Variants in BRINP3 observed in about 807,000 individuals in gnomAD.
BRINP3 encodes BMP/retinoic acid-inducible neural-specific protein 3.
In BRINP3, 19 loss-of-function variants were observed where a neutral mutation model predicts 71.0. The observed-to-expected ratio is 0.27, with a 90% CI of 0.19 to 0.39. The LOEUF is 0.39. Among genes scored for constraint, BRINP3 ranks in the 10% least tolerant of loss-of-function variants. BRINP3 has a pLI of 1.00. For synonymous variants in BRINP3, 380 were observed against 337.7 expected (o/e 1.13, Z -1.37); for missense variants, 959 against 940.8 (o/e 1.02, Z -0.25).
chr1:190,153,354 A>C (rs905628570), intron 7 of BRINP3, among the ~76,000 whole-genome samples: 2 of 152,186 alleles, frequency 1.3e-5, no homozygotes, highest in African/African-American at 4.8e-5. Flanking sequence ...GAAAATACCT[A>C]CACACAAGAA....
At chr1:190,197,069 G>A (rs980808258) in intron 6 of BRINP3, among the ~76,000 whole-genome samples, 3 of 151,974 alleles carry the variant, frequency 2.0e-5, no homozygotes, top group African/African-American at 7.2e-5. Flanking sequence ...TCCACATTGT[G>A]AGGCTGGGGA....
At chr1:190,111,202 A>C (rs892106894) in intron 7 of BRINP3, among the ~76,000 whole-genome samples, 9 of 151,002 alleles carry the variant, frequency 6.0e-5, no homozygotes, top group African/African-American at 1.5e-4. Flanking sequence ...AAAAAAAAAA[A>C]AAAAAACTTT....
chr1:190,364,350 C>A (rs1195493210), intron 2 of BRINP3, among the ~76,000 whole-genome samples: 1 of 151,990 alleles, frequency 6.6e-6, no homozygotes, highest in Non-Finnish European at 1.5e-5. Flanking sequence ...GTGGTCTTAT[C>A]TAAATGTTCT....
At chr1:190,317,772 T>C (rs1314091852) in intron 2 of BRINP3, among the ~76,000 whole-genome samples, 1 of 152,158 alleles carries the variant, frequency 6.6e-6, no homozygotes, top group Non-Finnish European at 1.5e-5. Context: ...AACTCACACT[T>C]ATGCTGTAAG....
chr1:190,261,807 A>G (rs892394401), intron 4 of BRINP3, among the ~76,000 whole-genome samples: 2 of 152,214 alleles, frequency 1.3e-5, no homozygotes, highest in Admixed American at 1.3e-4. Context: ...TTTAAAGCAT[A>G]CAAGCAATGC....
intron 6 of BRINP3, among the ~76,000 whole-genome samples, chr1:190,215,805 T>A (rs570770377): frequency 2.0e-5 from 3 of 151,918 alleles, no homozygotes; most frequent in Non-Finnish European, 4.4e-5. Context: ...ACGATGCTGA[T>A]AAAGACATAT....
At chr1:190,226,724 T>C (rs1657416398) in intron 5 of BRINP3, among the ~76,000 whole-genome samples, 1 of 151,988 alleles carries the variant, frequency 6.6e-6, no homozygotes, top group Non-Finnish European at 1.5e-5. Flanking sequence ...TTGCAGACTA[T>C]CAGCCCACAT....
intron 2 of BRINP3, among the ~76,000 whole-genome samples, chr1:190,407,674 C>A (rs1012530473): frequency 1.3e-5 from 2 of 152,056 alleles, no homozygotes; most frequent in Admixed American, 6.6e-5. Context: ...ATTAACTTAA[C>A]CTCTTAATAA....
Position 190,097,990 on chromosome 1 carries a change from G to T in BRINP3, c.*28C>A, listed in dbSNP as rs375495949. Reference sequence around the variant, plus strand: ...AAAAGCACTGTAAAAACTCCTTCAAGATTTTGGGTTGTGCTTGACATTTAT... The same window carrying T: ...AAAAGCACTGTAAAAACTCCTTCAATATTTTGGGTTGTGCTTGACATTTAT... On this transcript the variant is annotated 3_prime_UTR_variant, in exon 8 of 8. Transcript: ENST00000367462. 3.2e-6 allele frequency: 5 copies of T among 1,567,488 alleles called. No individual in the cohort carries two copies. In the East Asian group the frequency reaches 9.0e-5, roughly 28 times the overall value.
intron 3 of BRINP3, among the ~76,000 whole-genome samples, chr1:190,274,702 GCT>G (rs1429285433): frequency 6.6e-6 from 1 of 151,454 alleles, no homozygotes; most frequent in Non-Finnish European, 1.5e-5. Context: ...GTTACATGTT[GCT>G]CTCAGGGCTG....
At chr1:190,146,561 G>C (rs937838321) in intron 7 of BRINP3, among the ~76,000 whole-genome samples, 5 of 151,966 alleles carry the variant, frequency 3.3e-5, no homozygotes, top group Non-Finnish European at 7.4e-5. Flanking sequence ...TTTAATAAAT[G>C]CTGAGACTTT....
At chr1:190,339,238 C>G (rs1230427619) in intron 2 of BRINP3, among the ~76,000 whole-genome samples, 1 of 151,878 alleles carries the variant, frequency 6.6e-6, no homozygotes, top group East Asian at 1.9e-4. Flanking sequence ...CTCTGCAAAG[C>G]AGTAGCTGCA....
chr1:190,354,936 T>C (rs961078812), intron 2 of BRINP3, among the ~76,000 whole-genome samples: 1 of 151,890 alleles, frequency 6.6e-6, no homozygotes, highest in Non-Finnish European at 1.5e-5. Context: ...AAAATTAATA[T>C]ATTTGAGGCT....
At chr1:190,135,134 C>T (rs1654866322) in intron 7 of BRINP3, among the ~76,000 whole-genome samples, 1 of 152,068 alleles carries the variant, frequency 6.6e-6, no homozygotes, top group Non-Finnish European at 1.5e-5. Flanking sequence ...GTTGAATCTT[C>T]ACAAAGCATT....
intron 2 of BRINP3, among the ~76,000 whole-genome samples, chr1:190,340,337 A>G (rs2103108656): frequency 6.6e-6 from 1 of 152,064 alleles, no homozygotes; most frequent in South Asian, 2.1e-4. Flanking sequence ...TGAGCTGCTC[A>G]TCTGAAAGCT....
chr1:190,295,200 A>T (rs1472000521), intron 2 of BRINP3, among the ~76,000 whole-genome samples: 1 of 151,896 alleles, frequency 6.6e-6, no homozygotes, highest in African/African-American at 2.4e-5. Context: ...GAGGGCCAGA[A>T]CTCCGGTTTG....
intron 6 of BRINP3, among the ~76,000 whole-genome samples, chr1:190,175,195 G>A (rs755534886): frequency 9.9e-5 from 15 of 152,176 alleles, no homozygotes; most frequent in African/African-American, 2.9e-4. Context: ...AACACCACTG[G>A]CAATATTAAA....
At chr1:190,398,836 GCCAAATCTTCCAC>G (rs1183764218) in intron 2 of BRINP3, among the ~76,000 whole-genome samples, 8 of 151,920 alleles carry the variant, frequency 5.3e-5, no homozygotes, top group Admixed American at 5.3e-4. Flanking sequence ...TGCCTCTGCT[GCCAAATCTTCCAC>G]CCTTTTTACT....
intron 4 of BRINP3, 99 bp downstream of exon 4, chr1:190,264,766 G>A (rs1571564887): frequency 4.6e-6 from 4 of 861,160 alleles, no homozygotes; most frequent in East Asian, 3.0e-5. Context: ...TAAAATAATT[G>A]TTTAAATTCA....
Sources: allele counts gnomAD v4.1 joint callset (sites outside exome capture counted in the v4.1 genomes callset), GRCh38; gene constraint gnomAD v4.1.1; transcripts MANE v1.5; gene names NCBI Gene and HGNC (gene_info 2026-07-23, HGNC 2026-07-21).